Variants in KLHL4 observed in about 807,000 individuals in gnomAD.
The protein encoded by KLHL4 is kelch like family member 4.
A neutral mutation model predicts 45.8 loss-of-function variants in KLHL4; 17 were observed. The observed-to-expected ratio is 0.37, with a 90% CI of 0.25 to 0.56. KLHL4 has a LOEUF of 0.56. KLHL4 is among the 20% of genes least tolerant of loss of function. The probability of loss-of-function intolerance (pLI) is 0.79; values close to 1 mark genes in which losing one functional copy is unlikely to be tolerated. For missense variants in KLHL4, 544 were observed against 544.9 expected (o/e 1.00, Z 0.02); for synonymous variants, 224 against 189.9 (o/e 1.18, Z -1.47).
At chrX:87,559,260 A>G (rs1213900450) in intron 1 of KLHL4, among the ~76,000 whole-genome samples, 1 of 112,096 alleles carries the variant, frequency 8.9e-6, no homozygotes, top group Non-Finnish European at 1.9e-5. Context: ...CAAACCCTAC[A>G]CAATGGATGA....
At chrX:87,665,490 G>T in intron 10 of KLHL4, among the ~76,000 whole-genome samples, 1 of 111,048 alleles carries the variant, frequency 9.0e-6, no homozygotes, top group Non-Finnish European at 1.9e-5. Context: ...TCTCAAAAGT[G>T]CTGGGCATCT....
At chrX:87,627,643 G>T (rs1922971599) in intron 6 of KLHL4, among the ~76,000 whole-genome samples, 2 of 111,461 alleles carry the variant, frequency 1.8e-5, no homozygotes, top group African/African-American at 3.3e-5. Flanking sequence ...TTCCAGTCTG[G>T]CAACTTGAGG....
chrX:87,547,594 G>A (rs767884499), intron 1 of KLHL4, among the ~76,000 whole-genome samples: 22 of 111,078 alleles, frequency 2.0e-4, no homozygotes, highest in African/African-American at 6.5e-4. Context: ...AGGCTGAGGC[G>A]GGTGGATCAT....
Position 87,667,753 on chromosome X carries a change from A to T in KLHL4, c.*1219A>T, listed in dbSNP as rs1445021164. On this transcript the variant is annotated 3_prime_UTR_variant, in exon 11 of 11. Coordinates refer to ENST00000373119, the MANE Select transcript of KLHL4 (RefSeq NM_019117.5). ...ACTTTTCAAGTAAATGCACAACTTT[A>T]GAATTTCTACAAATAAGTTCTTTTA... 1 of 700,729 alleles carries T rather than the reference A, an allele frequency of 1.4e-6. No homozygotes were observed. The highest frequency in any genetic ancestry group is 8.8e-5 in the Admixed American group (1 of 11,312). The allele number at this position is 700,729 out of a possible 1,213,427, so 57.7% of individuals were successfully genotyped here.
intron 1 of KLHL4, among the ~76,000 whole-genome samples, chrX:87,525,653 A>T (rs1331110717): frequency 4.5e-5 from 5 of 111,926 alleles, no homozygotes; most frequent in Middle Eastern, 9.8e-3. Context: ...TTAAATGAGC[A>T]TCATTGAAAT....
chrX:87,619,803 C>A (rs1201235341), intron 4 of KLHL4, among the ~76,000 whole-genome samples: 4 of 111,941 alleles, frequency 3.6e-5, no homozygotes, highest in Non-Finnish European at 7.5e-5. Flanking sequence ...AATCTCTCTT[C>A]TTTAGTTATG....
intron 8 of KLHL4, among the ~76,000 whole-genome samples, 192 bp from the exon 9 acceptor site, chrX:87,635,371 C>T (rs1438314314): frequency 9.0e-6 from 1 of 111,608 alleles, no homozygotes; most frequent in Non-Finnish European, 1.9e-5. Flanking sequence ...AACAGGTGCC[C>T]TCAGGTTACG....
At position 87,666,813 on chromosome X, in the gene KLHL4, T is replaced by C. The variant is rs1602474110; in HGVS notation, c.*279T>C. On this transcript the variant is annotated 3_prime_UTR_variant, in exon 11 of 11. Transcript: ENST00000373119. ...ATATAGCCCCATTACTACAAAATGC[T>C]AAAATATTTAATGAAAATTGATGGT... 4 of 816,971 alleles carry C rather than the reference T, an allele frequency of 4.9e-6. No homozygotes were observed. The East Asian group carries it at 2.3e-4, about 47-fold the overall frequency. The allele number at this position is 816,971 out of a possible 1,213,427, so 67.3% of individuals were successfully genotyped here. A position where few individuals can be genotyped will look rare whatever the true frequency, so the allele number is the denominator to read the frequency against.
rs1053299790 is a variant in KLHL4 at position 87,669,265 on chromosome X, C to T, written c.*2731C>T. 1 of 1,187,583 alleles carries T rather than the reference C, an allele frequency of 8.4e-7. No individual in the cohort carries two copies. The highest frequency in any genetic ancestry group is 1.8e-5 in the African/African-American group (1 of 56,249). The stretch of plus-strand genomic sequence containing the variant: ...ACCGTGTTCACGATTCCCTACTCTG[C>T]AACTCTCAGCATGCATCATGATGAT... On this transcript the variant is annotated 3_prime_UTR_variant, in exon 11 of 11. Transcript: ENST00000373119.
rs1345615188 is a variant in KLHL4, at chrX:87,669,573, C to T, written c.*3039C>T. On this transcript the variant is annotated 3_prime_UTR_variant, in exon 11 of 11. Transcript: ENST00000373119. The stretch of plus-strand genomic sequence containing the variant: ...TATTTTAAGTTCTCTAACAAGACTC[C>T]TACCTTGAGATCTTAGTCTAGGTAA... 6.6e-6 allele frequency: 3 copies of T among 455,731 alleles called. No individual in the cohort carries two copies. The highest frequency in any genetic ancestry group is 8.7e-5 in the East Asian group (2 of 22,904). The allele number at this position is 455,731 out of a possible 1,213,427, so 37.6% of individuals were successfully genotyped here.
chrX:87,611,855 G>A (rs1922386882), intron 1 of KLHL4, among the ~76,000 whole-genome samples: 1 of 111,055 alleles, frequency 9.0e-6, no homozygotes, highest in Non-Finnish European at 1.9e-5. Context: ...GACAAGAAGT[G>A]GAGGCAGAAG....
At position 87,613,965 on chromosome X, in the gene KLHL4, A is replaced by G; in HGVS notation, c.511A>G (p.Lys171Glu). Residue 171 changes from lysine to glutamate, a missense_variant, in exon 2 of 11, where the codon AAA (lysine) becomes GAA (glutamate). Coordinates refer to ENST00000373119, the MANE Select transcript of KLHL4 (RefSeq NM_019117.5). Reference protein sequence around the residue: ...VINHAEQTLRKMENYLKEKQL... With the variant: ...VINHAEQTLREMENYLKEKQL... ...AAACCACGCAGAGCAAACTCTTCGTAAAATGGAGAACTACTTGAAAGAGAA... is the reference window on the plus strand; with the variant it reads ...AAACCACGCAGAGCAAACTCTTCGTGAAATGGAGAACTACTTGAAAGAGAA... The G allele has an allele frequency of 4.1e-6, 5 of 1,208,079 alleles. No individual in the cohort carries two copies. The highest frequency in any genetic ancestry group is 5.6e-6 in the Non-Finnish European group (5 of 892,665).
intron 1 of KLHL4, among the ~76,000 whole-genome samples, chrX:87,582,765 C>T (rs1921325003): frequency 9.0e-6 from 1 of 111,507 alleles, no homozygotes; most frequent in Non-Finnish European, 1.9e-5. Flanking sequence ...AGCCGCAGGC[C>T]TTCGTGGTGA....
intron 1 of KLHL4, among the ~76,000 whole-genome samples, chrX:87,606,480 AAAG>A (rs1242391858): frequency 9.0e-6 from 1 of 111,698 alleles, no homozygotes; most frequent in African/African-American, 3.2e-5. Context: ...TAGCTAAAGA[AAAG>A]AGAAAATATG....
At chrX:87,567,296 TA>T (rs897532543) in intron 1 of KLHL4, among the ~76,000 whole-genome samples, 14 of 110,090 alleles carry the variant, frequency 1.3e-4, no homozygotes, top group South Asian at 3.8e-4. Flanking sequence ...CATAAACAAA[TA>T]AAAAAAAGAA....
intron 6 of KLHL4, among the ~76,000 whole-genome samples, chrX:87,630,986 TG>T (rs758045451): frequency 9.0e-6 from 1 of 110,540 alleles, no homozygotes; most frequent in African/African-American, 3.3e-5. Flanking sequence ...CCTGGAAAAA[TG>T]GGTTTCCAGA....
At chrX:87,541,050 T>C (rs1477343376) in intron 1 of KLHL4, among the ~76,000 whole-genome samples, 3 of 110,455 alleles carry the variant, frequency 2.7e-5, no homozygotes, top group African/African-American at 9.9e-5. Flanking sequence ...TGGTTCTGAG[T>C]CCCCACCCAA....
intron 6 of KLHL4, among the ~76,000 whole-genome samples, chrX:87,626,572 C>T (rs1338871412): frequency 1.8e-5 from 2 of 108,325 alleles, no homozygotes; most frequent in Non-Finnish European, 3.8e-5. Flanking sequence ...TGAAATTCAA[C>T]GTAACTTTTT....
At chrX:87,548,445 T>A (rs1351800208) in intron 1 of KLHL4, among the ~76,000 whole-genome samples, 4 of 111,504 alleles carry the variant, frequency 3.6e-5, no homozygotes, top group Non-Finnish European at 7.5e-5. Context: ...ACCTTACTGG[T>A]AATAGTAAGT....
Sources: gnomAD v4.1 joint callset for allele counts (sites outside exome capture counted in the v4.1 genomes callset) on GRCh38, gnomAD v4.1.1 for gene constraint, MANE v1.5 for transcripts, NCBI Gene and HGNC (gene_info 2026-07-23, HGNC 2026-07-21) for gene names.